Variants in SPIDR observed in about 807,000 individuals in gnomAD.
SPIDR encodes the protein DNA repair-scaffolding protein.
In SPIDR, 93 loss-of-function variants were observed where a neutral mutation model predicts 104.6. That is an observed-to-expected ratio of 0.89 (90% CI 0.75 to 1.06). SPIDR has a LOEUF of 1.06. Ranked by LOEUF, SPIDR falls within the 50% of genes least tolerant of loss-of-function variation. The pLI is 0.00. For synonymous variants in SPIDR, 431 were observed against 416.9 expected, an observed-to-expected ratio of 1.03 and a Z score of -0.41; for missense variants, 1,154 against 1,111.2, an observed-to-expected ratio of 1.04 and a Z score of -0.55.
intron 10 of SPIDR, chr8:47,673,348 A>G: frequency 4.4e-6 from 2 of 453,954 alleles, no homozygotes; most frequent in Non-Finnish European, 8.9e-6. Context: ...TGTTGTTCTT[A>G]TCGTAATGTT....
chr8:47,462,275 G>C (rs1361347644), intron 8 of SPIDR, among the ~76,000 whole-genome samples: 1 of 152,158 alleles, frequency 6.6e-6, no homozygotes, highest in Non-Finnish European at 1.5e-5. Flanking sequence ...ACCGTCTTGA[G>C]GTTTCTCTGC....
At position 47,640,841 on chromosome 8, in the gene SPIDR, CTTTTTTTTTTTTTTTTTTTTTTTTT is replaced by C. The variant is rs57405701; in HGVS notation, c.1545-32940_1545-32916del. On this transcript the variant is annotated intron_variant, in intron 10 of 19. Transcript: ENST00000297423. ...TACAGGTACACACTGCCACACCCAGCTTTTTTTTTTTTTTTTTTTTTTTTTTTTTTTTTTTTTTTTTTTTGTATTT... is the reference window on the plus strand; with the variant it reads ...TACAGGTACACACTGCCACACCCAGCTTTTTTTTTTTTTTTTTTTGTATTT... 2.9e-3 allele frequency among the ~76,000 whole-genome samples: 120 copies of C among 41,304 alleles called. 1 individual carries two copies. The highest frequency in any genetic ancestry group is 0.019 in the South Asian group (17 of 874). The allele number at this position is 41,304 out of a possible 152,430, so 27.1% of individuals were successfully genotyped here.
At chr8:47,480,452 A>G (rs1163211134) in intron 8 of SPIDR, among the ~76,000 whole-genome samples, 5 of 152,242 alleles carry the variant, frequency 3.3e-5, no homozygotes, top group Admixed American at 2.6e-4. Flanking sequence ...AGCATGTACT[A>G]TTTTGTTAAA....
intron 8 of SPIDR, chr8:47,547,124 C>T (rs960367450): frequency 2.4e-5 from 14 of 588,432 alleles, no homozygotes; most frequent in Admixed American, 4.1e-5. Context: ...TGGGATCATT[C>T]ACCTTGATGG....
chr8:47,636,684 G>T (rs1230137585), intron 10 of SPIDR, among the ~76,000 whole-genome samples: 1 of 151,882 alleles, frequency 6.6e-6, no homozygotes, highest in Non-Finnish European at 1.5e-5. Flanking sequence ...CAGGTGTAGT[G>T]TAGTGCCTGT....
intron 8 of SPIDR, among the ~76,000 whole-genome samples, chr8:47,559,123 C>G (rs1444074029): frequency 6.6e-6 from 1 of 152,122 alleles, no homozygotes; most frequent in Non-Finnish European, 1.5e-5. Flanking sequence ...TAGTTTGTCA[C>G]TAGTTCATTT....
chr8:47,309,125 C>G (rs1323563810), intron 5 of SPIDR, among the ~76,000 whole-genome samples: 3 of 152,196 alleles, frequency 2.0e-5, no homozygotes, highest in African/African-American at 7.2e-5. Context: ...TTCTGATCAT[C>G]ATACATTTTA....
At chr8:47,308,866 G>C (rs2043600897) in intron 5 of SPIDR, among the ~76,000 whole-genome samples, 2 of 152,242 alleles carry the variant, frequency 1.3e-5, no homozygotes, top group Admixed American at 1.3e-4. Context: ...TGGGGCTGAG[G>C]GTGGCAAATG....
chr8:47,587,549 G>C (rs990133697), intron 8 of SPIDR, among the ~76,000 whole-genome samples: 1 of 150,074 alleles, frequency 6.7e-6, no homozygotes, highest in African/African-American at 2.5e-5. Context: ...GACGGAGGTT[G>C]CTGTGAGCCG....
rs1028467495 is a variant in SPIDR, at chr8:47,688,742, G to A, written c.1686-11661G>A. Among the ~76,000 whole-genome samples the A allele has an allele frequency of 5.3e-5, 8 of 152,346 alleles. 1 individual carries two copies. The Middle Eastern group carries it at 0.01, about 194-fold the overall frequency. On this transcript the variant is annotated intron_variant, in intron 11 of 19. Coordinates refer to ENST00000297423, the MANE Select transcript of SPIDR (RefSeq NM_001080394.4). ...GGTGGGGTGTTCCTCACCTTCAATG[G>A]ATAGTGCTAAACTGTCTTCCAGGAG...
At chr8:47,474,798 A>T (rs535400064) in intron 8 of SPIDR, among the ~76,000 whole-genome samples, 1 of 152,258 alleles carries the variant, frequency 6.6e-6, no homozygotes, top group Non-Finnish European at 1.5e-5. Context: ...TCTCTTTTGT[A>T]GAATGTCAGT....
intron 10 of SPIDR, among the ~76,000 whole-genome samples, chr8:47,626,487 C>A (rs1441822983): frequency 1.3e-5 from 2 of 152,202 alleles, no homozygotes; most frequent in African/African-American, 4.8e-5. Flanking sequence ...ACAACCTACT[C>A]ATCTGACAAA....
intron 8 of SPIDR, among the ~76,000 whole-genome samples, chr8:47,509,169 C>G (rs936768883): frequency 5.3e-5 from 8 of 152,190 alleles, no homozygotes; most frequent in Admixed American, 3.9e-4. Context: ...ACCCAGCTAG[C>G]TTACACACAC....
chr8:47,546,965 G>A lies in SPIDR; in HGVS notation c.1098-48846G>A, dbSNP rs764733043. The A allele has an allele frequency of 3.6e-5, 18 of 494,662 alleles. 1 individual carries two copies. The highest frequency in any genetic ancestry group is 2.6e-4 in the East Asian group (5 of 19,434). 30.6% of individuals were successfully genotyped at this position (494,662 alleles called of 1,614,324 possible). ...AAGCTGTTCCATTGGCATCTTTCAC[G>A]TGAACCACATCAAAAGATCAAGGGT... On this transcript the variant is annotated intron_variant, in intron 8 of 19. Coordinates refer to ENST00000297423, the MANE Select transcript of SPIDR (RefSeq NM_001080394.4).
intron 3 of SPIDR, among the ~76,000 whole-genome samples, chr8:47,287,666 A>C (rs2039121230): frequency 1.3e-4 from 20 of 152,300 alleles, no homozygotes; most frequent in Non-Finnish European, 1.5e-5. Context: ...CAAGAAGAAA[A>C]ATATGGCTGT....
chr8:47,283,097 T>G (rs1412686402), intron 2 of SPIDR, among the ~76,000 whole-genome samples: 1 of 152,150 alleles, frequency 6.6e-6, no homozygotes, highest in Non-Finnish European at 1.5e-5. Context: ...CTCAGGTGAT[T>G]TACTTGCGTT....
intron 1 of SPIDR, among the ~76,000 whole-genome samples, chr8:47,265,426 A>G (rs1470378242): frequency 6.6e-6 from 1 of 151,638 alleles, no homozygotes; most frequent in Non-Finnish European, 1.5e-5. Context: ...CCTGACCTCA[A>G]GCCGTTCTTT....
At chr8:47,713,066 C>G in intron 15 of SPIDR, 194 bp downstream of exon 15, 1 of 1,340,334 alleles carries the variant, frequency 7.5e-7, no homozygotes, top group Non-Finnish European at 9.6e-7. Context: ...AGAACCAGCT[C>G]CATGGAGATG....
chr8:47,463,056 C>T (rs894106043), intron 8 of SPIDR, among the ~76,000 whole-genome samples: 27 of 151,836 alleles, frequency 1.8e-4, no homozygotes, highest in Admixed American at 1.8e-3. Context: ...GATATTAAAT[C>T]GGTAATAAAA....
Sources: allele counts gnomAD v4.1 joint callset (sites outside exome capture counted in the v4.1 genomes callset), GRCh38; gene constraint gnomAD v4.1.1; transcripts MANE v1.5; gene names NCBI Gene and HGNC (gene_info 2026-07-23, HGNC 2026-07-21).